The following TACR1 variants were observed in gnomAD, a reference collection of about 807,000 sequenced individuals.
The protein encoded by TACR1 is substance-P receptor.
TACR1 carries 25 observed loss-of-function variants against 35.8 expected under a neutral mutation model. The ratio of observed to expected loss-of-function variants is 0.70; its 90% CI spans 0.51 to 0.98. TACR1 has a LOEUF of 0.98. Ranked by LOEUF, TACR1 falls within the 50% of genes least tolerant of loss-of-function variation. The pLI is 0.00. For synonymous variants in TACR1, 195 were observed against 206.7 expected, an observed-to-expected ratio of 0.94 and a Z score of 0.48; for missense variants, 478 against 522.9, an observed-to-expected ratio of 0.91 and a Z score of 0.84.
chr2:75,098,935 C>G (rs1040293320), intron 2 of TACR1, among the ~76,000 whole-genome samples: 7 of 145,262 alleles, frequency 4.8e-5, no homozygotes, highest in African/African-American at 1.8e-4. Flanking sequence ...TCTTTTCTTG[C>G]TCTCACATTT....
intron 2 of TACR1, among the ~76,000 whole-genome samples, chr2:75,060,232 T>A (rs1180350139): frequency 6.6e-6 from 1 of 151,418 alleles, no homozygotes; most frequent in Non-Finnish European, 1.5e-5. Context: ...TCAAGGGGAG[T>A]GGAGACATTA....
chr2:75,176,230 A>T (rs1432689956), intron 1 of TACR1, among the ~76,000 whole-genome samples: 1 of 151,994 alleles, frequency 6.6e-6, no homozygotes, highest in African/African-American at 2.4e-5. Context: ...TAATACAGTT[A>T]GGACATTATA....
intron 1 of TACR1, among the ~76,000 whole-genome samples, chr2:75,155,286 T>G (rs1419248492): frequency 1.3e-5 from 2 of 152,204 alleles, no homozygotes; most frequent in African/African-American, 4.8e-5. Context: ...TATGGCTTAA[T>G]GAGCCTCAAG....
intron 1 of TACR1, among the ~76,000 whole-genome samples, chr2:75,181,011 T>G (rs1572985013): frequency 6.6e-6 from 1 of 152,242 alleles, no homozygotes; most frequent in African/African-American, 2.4e-5. Flanking sequence ...GTTGGTAAAC[T>G]GGGAGAAGCT....
intron 1 of TACR1, among the ~76,000 whole-genome samples, chr2:75,142,417 A>G (rs1472229850): frequency 6.6e-6 from 1 of 152,254 alleles, no homozygotes. Context: ...TTGCCAAACC[A>G]GAAACAATTA....
At chr2:75,119,435 A>G (rs1178928619) in intron 2 of TACR1, among the ~76,000 whole-genome samples, 3 of 152,174 alleles carry the variant, frequency 2.0e-5, no homozygotes, top group Non-Finnish European at 2.9e-5. Context: ...TTCTTTTATG[A>G]TTCACATAAA....
At chr2:75,103,774 G>A (rs755595379) in intron 2 of TACR1, among the ~76,000 whole-genome samples, 33 of 152,020 alleles carry the variant, frequency 2.2e-4, no homozygotes, top group Non-Finnish European at 4.1e-4. Context: ...TAGTATTTGT[G>A]GAGAAATCTG....
chr2:75,197,669 C>A (rs1676026796), intron 1 of TACR1, among the ~76,000 whole-genome samples: 1 of 152,168 alleles, frequency 6.6e-6, no homozygotes, highest in Non-Finnish European at 1.5e-5. Context: ...AAATGCCAAC[C>A]TTTTCACTTT....
intron 2 of TACR1, among the ~76,000 whole-genome samples, chr2:75,093,429 T>A (rs1371425391): frequency 6.6e-6 from 1 of 152,192 alleles, no homozygotes; most frequent in African/African-American, 2.4e-5. Context: ...TGGAGCAGAA[T>A]GAGTGTGATC....
intron 1 of TACR1, among the ~76,000 whole-genome samples, chr2:75,162,043 CAAAAAAA>C (rs35438025): frequency 1.1e-5 from 1 of 94,198 alleles, no homozygotes; most frequent in African/African-American, 4.1e-5. Flanking sequence ...TTGACTCTTC[CAAAAAAA>C]AAAAAAAAAA....
At chr2:75,123,306 C>T (rs1164532686) in intron 1 of TACR1, among the ~76,000 whole-genome samples, 1 of 152,130 alleles carries the variant, frequency 6.6e-6, no homozygotes, top group Non-Finnish European at 1.5e-5. Flanking sequence ...TTTAATATTA[C>T]CTCAAATGCA....
chr2:75,093,094 C>T (rs1347119351), intron 2 of TACR1, among the ~76,000 whole-genome samples: 1 of 152,060 alleles, frequency 6.6e-6, no homozygotes, highest in South Asian at 2.1e-4. Context: ...AGTGGGACCC[C>T]TTAAGAGTGC....
At chr2:75,156,472 A>G (rs550837933) in intron 1 of TACR1, among the ~76,000 whole-genome samples, 18 of 150,872 alleles carry the variant, frequency 1.2e-4, no homozygotes, top group East Asian at 5.9e-4. Flanking sequence ...GCATGGTGGC[A>G]GGCCCCTGTG....
intron 1 of TACR1, among the ~76,000 whole-genome samples, chr2:75,181,144 A>G (rs548553207): frequency 2.0e-5 from 3 of 152,306 alleles, no homozygotes; most frequent in South Asian, 4.1e-4. Flanking sequence ...CTATGTTTTG[A>G]ATAATATTTT....
At chr2:75,058,204 T>C (rs763448292) in intron 2 of TACR1, among the ~76,000 whole-genome samples, 1 of 152,224 alleles carries the variant, frequency 6.6e-6, no homozygotes, top group Non-Finnish European at 1.5e-5. Flanking sequence ...GAAATTCCAT[T>C]ATTAGAAAAC....
intron 2 of TACR1, among the ~76,000 whole-genome samples, chr2:75,101,930 T>C (rs1673540109): frequency 6.6e-6 from 1 of 151,720 alleles, no homozygotes; most frequent in Non-Finnish European, 1.5e-5. Context: ...AGTGATGGAG[T>C]GAGACTCTGT....
chr2:75,091,539 T>C (rs1673313237), intron 2 of TACR1, among the ~76,000 whole-genome samples: 1 of 152,164 alleles, frequency 6.6e-6, no homozygotes. Flanking sequence ...AAAACTAACG[T>C]TCATAACTGT....
At chr2:75,094,859 A>ATATATATATATATATATATTTTTT in intron 2 of TACR1, among the ~76,000 whole-genome samples, 7 of 113,094 alleles carry the variant, frequency 6.2e-5, no homozygotes, top group African/African-American at 2.9e-4. Flanking sequence ...ATATATATAT[A>ATATATATATATATATATATTTTTT]TTTTTTTTTT....
At chr2:75,135,922 C>G (rs763060053) in intron 1 of TACR1, among the ~76,000 whole-genome samples, 1 of 152,186 alleles carries the variant, frequency 6.6e-6, no homozygotes, top group African/African-American at 2.4e-5. Flanking sequence ...CTCTCCATTT[C>G]GCATTCTGTT....
Sources: gnomAD v4.1 joint callset for allele counts (sites outside exome capture counted in the v4.1 genomes callset) on GRCh38, gnomAD v4.1.1 for gene constraint, MANE v1.5 for transcripts, NCBI Gene and HGNC (gene_info 2026-07-23, HGNC 2026-07-21) for gene names.